The following ATP6V1C2 variants were observed in gnomAD, a reference collection of about 807,000 sequenced individuals.
The protein encoded by ATP6V1C2 is ATPase H+ transporting V1 subunit C2, also known as V-type proton ATPase subunit C 2.
Under a neutral mutation model 56.8 loss-of-function variants are expected in ATP6V1C2, and 45 were observed. The observed-to-expected ratio is 0.79, with a 90% CI of 0.62 to 1.02. ATP6V1C2 has a LOEUF of 1.02. Among genes scored for constraint, ATP6V1C2 ranks in the 50% least tolerant of loss-of-function variants. The pLI, the probability that ATP6V1C2 is intolerant of heterozygous loss-of-function variation, is 0.00. For synonymous variants in ATP6V1C2, 220 were observed against 201.3 expected, an observed-to-expected ratio of 1.09 and a Z score of -0.79; for missense variants, 463 against 519.7, an observed-to-expected ratio of 0.89 and a Z score of 1.06.
rs756816344 is a variant in ATP6V1C2, at chr2:10,777,573, C to A, written c.826-12C>A. ...TTGCTGAAAGATTAATAAATCATTT[C>A]TGTGCCTTTAGCAAACTTCCTGTGT... On this transcript the variant is annotated splice_polypyrimidine_tract_variant and intron_variant, in intron 10 of 13. Transcript: ENST00000272238. 1.2e-6 allele frequency: 2 copies of A among 1,603,910 alleles called. No individual in the cohort carries two copies. Among genetic ancestry groups the A allele is most frequent in the Non-Finnish European group, 1.7e-6 (2 of 1,177,360 alleles).
intron 3 of ATP6V1C2, among the ~76,000 whole-genome samples, chr2:10,744,990 A>T (rs1248065465): frequency 7.1e-6 from 1 of 141,482 alleles, no homozygotes; most frequent in African/African-American, 2.6e-5. Context: ...ATATGGGTTT[A>T]TTACTTTAAA....
intron 6 of ATP6V1C2, among the ~76,000 whole-genome samples, chr2:10,771,223 G>C (rs1004500429): frequency 7.9e-5 from 12 of 152,312 alleles, no homozygotes; most frequent in South Asian, 2.1e-4. Context: ...CCGACGTCAC[G>C]GCCCCTGTGC....
At chr2:10,726,147 ACTT>A (rs1661628156) in intron 2 of ATP6V1C2, among the ~76,000 whole-genome samples, 1 of 152,116 alleles carries the variant, frequency 6.6e-6, no homozygotes, top group Non-Finnish European at 1.5e-5. Context: ...AGGAATGAGA[ACTT>A]CTTTAACTTG....
chr2:10,782,469 G>T, intron 13 of ATP6V1C2, 94 bp downstream of exon 13: 4 of 1,399,154 alleles, frequency 2.9e-6, no homozygotes, highest in Non-Finnish European at 3.9e-6. Flanking sequence ...ACTTTGGGAG[G>T]TAGGTGGATC....
chr2:10,743,293 C>A (rs927407207), intron 3 of ATP6V1C2, among the ~76,000 whole-genome samples: 4 of 151,274 alleles, frequency 2.6e-5, no homozygotes, highest in Admixed American at 6.6e-5. Context: ...TTGGTAGATA[C>A]AGGGTCTCGC....
intron 4 of ATP6V1C2, among the ~76,000 whole-genome samples, chr2:10,762,240 G>C (rs1284883138): frequency 6.6e-6 from 1 of 151,544 alleles, no homozygotes; most frequent in African/African-American, 2.4e-5. Context: ...CTGCCCCCTG[G>C]GTTCAAGCGA....
intron 3 of ATP6V1C2, among the ~76,000 whole-genome samples, chr2:10,746,570 G>A (rs1391996612): frequency 2.0e-5 from 3 of 151,806 alleles, no homozygotes; most frequent in Non-Finnish European, 2.9e-5. Flanking sequence ...CCACCAGCAC[G>A]CCAGGCTAGT....
chr2:10,754,003 AGCGT>A lies in ATP6V1C2; in HGVS notation c.222_225del (p.Ser74ArgfsTer23). ...AAGCCTCATAAGGAGAATGGCTCAGAGCGTGGTGGAAGTCATGGAGGACTCAAAG... is the reference window on the plus strand; with the variant it reads ...AAGCCTCATAAGGAGAATGGCTCAGAGGTGGAAGTCATGGAGGACTCAAAG... On this transcript the variant is annotated frameshift_variant, in exon 4 of 14. Coordinates refer to ENST00000272238, the MANE Select transcript of ATP6V1C2 (RefSeq NM_001039362.2). LOFTEE classifies it high-confidence loss of function. 1 of 1,607,614 alleles carries A rather than the reference AGCGT, an allele frequency of 6.2e-7. No homozygotes were observed. The highest frequency in any genetic ancestry group is 8.5e-7 in the Non-Finnish European group (1 of 1,176,432).
chr2:10,773,005 C>T (rs898820436), intron 8 of ATP6V1C2, among the ~76,000 whole-genome samples: 29 of 152,194 alleles, frequency 1.9e-4, no homozygotes, highest in African/African-American at 6.0e-4. Flanking sequence ...GGAGGGAAAG[C>T]GGCCTCAGCG....
chr2:10,762,088 G>A (rs1173204080), intron 4 of ATP6V1C2, among the ~76,000 whole-genome samples: 1 of 151,912 alleles, frequency 6.6e-6, no homozygotes, highest in Non-Finnish European at 1.5e-5. Context: ...CTGTGCCAGC[G>A]TTTCCTCATC....
chr2:10,767,934 G>A (rs940927652), intron 5 of ATP6V1C2: 2 of 152,044 alleles, frequency 1.3e-5, no homozygotes, highest in African/African-American at 4.8e-5. Flanking sequence ...AGTTGACAAT[G>A]GATTCTTCCA....
intron 10 of ATP6V1C2, 52 bp from the exon 11 acceptor site, chr2:10,777,529 ATTTG>A (rs2148512729): frequency 5.0e-6 from 8 of 1,588,150 alleles, no homozygotes; most frequent in Non-Finnish European, 3.4e-6. Flanking sequence ...AGAATGATTT[ATTTG>A]TTTGTGATGC....
intron 10 of ATP6V1C2, among the ~76,000 whole-genome samples, chr2:10,776,790 G>A (rs543590069): frequency 4.1e-4 from 63 of 152,332 alleles, no homozygotes; most frequent in African/African-American, 1.5e-3. Flanking sequence ...GTGACACACA[G>A]GAGCCTGCCG....
chr2:10,751,747 C>T (rs1663228033), intron 3 of ATP6V1C2, among the ~76,000 whole-genome samples: 2 of 152,048 alleles, frequency 1.3e-5, no homozygotes, highest in Non-Finnish European at 2.9e-5. Flanking sequence ...TTAAATGAGG[C>T]AATGATTATA....
chr2:10,768,678 A>G (rs1159583598), intron 5 of ATP6V1C2, 41 bp from the exon 6 acceptor site: 1 of 1,567,426 alleles, frequency 6.4e-7, no homozygotes. Context: ...CAACTCCTTC[A>G]ATGCTCAGGG....
Position 10,784,835 on chromosome 2 carries a change from G to A in ATP6V1C2, c.*1572G>A. On this transcript the variant is annotated 3_prime_UTR_variant, in exon 14 of 14. Coordinates refer to ENST00000272238, the MANE Select transcript of ATP6V1C2 (RefSeq NM_001039362.2). ...AGGCCCACGGGTGCACCAGGGCTGAGGTCTGATGGGAAGGACTTGACTCCA... is the reference window on the plus strand; with the variant it reads ...AGGCCCACGGGTGCACCAGGGCTGAAGTCTGATGGGAAGGACTTGACTCCA... 1 of 853,390 alleles carries A rather than the reference G, an allele frequency of 1.2e-6. No individual in the cohort carries two copies. Among genetic ancestry groups the A allele is most frequent in the Non-Finnish European group, 1.9e-6 (1 of 522,008 alleles). 52.9% of individuals were successfully genotyped at this position (853,390 alleles called of 1,614,324 possible).
chr2:10,735,100 T>A (rs1248763065), intron 3 of ATP6V1C2, among the ~76,000 whole-genome samples: 4 of 152,130 alleles, frequency 2.6e-5, no homozygotes, highest in East Asian at 3.8e-4. Flanking sequence ...AAGAAAAAAA[T>A]ATATATTTTG....
At chr2:10,755,196 C>G (rs1051225070) in intron 4 of ATP6V1C2, among the ~76,000 whole-genome samples, 2 of 152,108 alleles carry the variant, frequency 1.3e-5, no homozygotes, top group Admixed American at 6.5e-5. Context: ...GCCGCCATGT[C>G]CAGCTAGTTT....
chr2:10,724,342 T>A (rs996911137), intron 2 of ATP6V1C2, among the ~76,000 whole-genome samples: 1 of 152,218 alleles, frequency 6.6e-6, no homozygotes. Flanking sequence ...GACGGCTAGA[T>A]ACTTGAAATG....
Sources: gnomAD v4.1 joint callset for allele counts (sites outside exome capture counted in the v4.1 genomes callset) on GRCh38, gnomAD v4.1.1 for gene constraint, MANE v1.5 for transcripts, NCBI Gene and HGNC (gene_info 2026-07-23, HGNC 2026-07-21) for gene names.